ZFHX3: variants seen among roughly 807,000 people sequenced by gnomAD.
ZFHX3 encodes the protein zinc finger homeobox 3.
ZFHX3 carries 42 observed loss-of-function variants against 279.1 expected under a neutral mutation model. That is an observed-to-expected ratio of 0.15 (90% CI 0.12 to 0.19). The LOEUF (loss-of-function observed/expected upper bound fraction) is 0.19. Ranked by LOEUF, ZFHX3 falls within the 10% of genes least tolerant of loss-of-function variation. The pLI, the probability that ZFHX3 is intolerant of heterozygous loss-of-function variation, is 1.00. For synonymous variants in ZFHX3, 2,293 were observed against 1,957.8 expected (o/e 1.17, Z -4.52); for missense variants, 4,981 against 4,754.0 (o/e 1.05, Z -1.40).
Position 72,959,119 on chromosome 16 carries a change from T to C in ZFHX3, c.1027A>G (p.Lys343Glu), listed in dbSNP as rs772869157. The C allele has an allele frequency of 6.2e-7, 1 of 1,614,254 alleles. No individual in the cohort carries two copies. The highest frequency in any genetic ancestry group is 2.2e-5 in the East Asian group (1 of 44,884). Residue 343 changes from lysine (K) to glutamate (E), a missense_variant, in exon 2 of 10, where the codon AAA becomes GAA. By Grantham distance (56) the Lys-to-Glu change is moderately conservative (BLOSUM62 1). Transcript: ENST00000268489. ...KEPLVSFLEPKNKNFQHPLVS... is the reference protein window; with the variant it reads ...KEPLVSFLEPENKNFQHPLVS... Reference sequence around the variant, plus strand: ...AAAGGGTGTTGAAAGTTTTTGTTTTTTGGTTCCAGAAAACTTACAAGGGGT... The same window carrying C: ...AAAGGGTGTTGAAAGTTTTTGTTTTCTGGTTCCAGAAAACTTACAAGGGGT...
Position 73,215,507 on chromosome 16 carries a change from A to G in ZFHX3, c.-1104+41540T>C, listed in dbSNP as rs1290538656. On this transcript the variant is annotated intron_variant, in intron 5 of 17. Coordinates refer to the ZFHX3 transcript ENST00000641206. ...TCAACCAGCCATTTAATAATGTTCTATCTGGAGTTTTCTCCCTGTTCTAAA... is the reference window on the plus strand; with the variant it reads ...TCAACCAGCCATTTAATAATGTTCTGTCTGGAGTTTTCTCCCTGTTCTAAA... Among the ~76,000 whole-genome samples, 3 of 152,192 alleles carry G rather than the reference A, an allele frequency of 2.0e-5. No homozygotes were observed. The East Asian group carries it at 5.8e-4, about 29-fold the overall frequency.
chr16:73,507,398 A>G (rs900818055), intron 2 of ZFHX3, among the ~76,000 whole-genome samples: 2 of 151,378 alleles, frequency 1.3e-5, no homozygotes, highest in Non-Finnish European at 2.9e-5. Flanking sequence ...CATTTAAACC[A>G]GGTACTTTGT....
intron 2 of ZFHX3, among the ~76,000 whole-genome samples, chr16:73,572,106 A>C (rs940288003): frequency 6.6e-6 from 1 of 151,538 alleles, no homozygotes; most frequent in African/African-American, 2.4e-5. Context: ...TAATTCCCTA[A>C]TGCCACTTAA....
chr16:73,778,640 T>C (rs1266103346), intron 1 of ZFHX3, among the ~76,000 whole-genome samples: 1 of 152,300 alleles, frequency 6.6e-6, no homozygotes, highest in African/African-American at 2.4e-5. Context: ...ATGACAGTCA[T>C]TTCCCCTGCA....
At chr16:73,387,435 T>A (rs1221783110) in intron 3 of ZFHX3, among the ~76,000 whole-genome samples, 1 of 152,174 alleles carries the variant, frequency 6.6e-6, no homozygotes, top group Non-Finnish European at 1.5e-5. Context: ...TGTTGAAGAC[T>A]TCAGGATAAC....
At chr16:73,265,600 G>A (rs534557494) in intron 4 of ZFHX3, among the ~76,000 whole-genome samples, 1 of 152,262 alleles carries the variant, frequency 6.6e-6, no homozygotes, top group South Asian at 2.1e-4. Flanking sequence ...CGGGCATTTG[G>A]TACTTTTGAG....
chr16:73,889,607 TTAAG>T (rs1380520137), intron 1 of ZFHX3, among the ~76,000 whole-genome samples: 9 of 152,306 alleles, frequency 5.9e-5, no homozygotes, highest in African/African-American at 2.2e-4. Context: ...CCGCATTGTT[TTAAG>T]TATCATCCAA....
At chr16:72,844,046 TC>T (rs1273169418) in intron 4 of ZFHX3, among the ~76,000 whole-genome samples, 1 of 151,866 alleles carries the variant, frequency 6.6e-6, no homozygotes, top group East Asian at 1.9e-4. Context: ...CACATACTCC[TC>T]CCCTCCATGC....
intron 1 of ZFHX3, among the ~76,000 whole-genome samples, chr16:72,996,937 C>A (rs1963318022): frequency 6.6e-6 from 1 of 152,126 alleles, no homozygotes; most frequent in Admixed American, 6.6e-5. Flanking sequence ...ACCCTTGACC[C>A]CTAAACTGGT....
intron 1 of ZFHX3, among the ~76,000 whole-genome samples, chr16:73,821,458 C>T (rs1344934259): frequency 1.3e-5 from 2 of 152,240 alleles, no homozygotes; most frequent in Non-Finnish European, 2.9e-5. Flanking sequence ...TGCCTATGAC[C>T]TGTTGGGTGG....
At chr16:73,559,408 G>A (rs746283027) in intron 2 of ZFHX3, among the ~76,000 whole-genome samples, 9 of 152,112 alleles carry the variant, frequency 5.9e-5, no homozygotes, top group East Asian at 1.9e-4. Context: ...AAGACACTGC[G>A]TTTAGGTGAT....
chr16:73,868,139 G>A lies in ZFHX3; in HGVS notation c.-1608+23512C>T, dbSNP rs1268468537. On this transcript the variant is annotated intron_variant, in intron 1 of 17. Transcript: ENST00000641206. ...CGTTAAATAGCCCAGAGTTCATTTC[G>A]GCATGTGTAACAAAGAGCCATAACG... is the stretch of plus-strand genomic sequence containing the variant. Among the ~76,000 whole-genome samples, 8 of 152,196 alleles carry A rather than the reference G, an allele frequency of 5.3e-5. No individual in the cohort carries two copies. The South Asian group carries it at 1.0e-3, about 20-fold the overall frequency.
chr16:73,452,640 C>G (rs1274799383), intron 3 of ZFHX3, among the ~76,000 whole-genome samples: 1 of 152,176 alleles, frequency 6.6e-6, no homozygotes. Context: ...GAAAACCATT[C>G]CTACTCCCAA....
chr16:72,957,601 C>G lies in ZFHX3; in HGVS notation c.2545G>C (p.Gly849Arg). The change falls in exon 2 of 10, where the codon GGC (glycine) becomes CGC (arginine). Residue 849 changes from glycine (G) to arginine (R), a missense_variant. Physicochemically the swap from Gly to Arg is moderately radical, Grantham distance 125 (BLOSUM62 -2). Coordinates refer to ENST00000268489, the MANE Select transcript of ZFHX3 (RefSeq NM_006885.4). Reference protein sequence around the residue: ...MTQIQHNRHLGLGSLPSPAEA... With the variant: ...MTQIQHNRHLRLGSLPSPAEA... ...GCGGGTGAGGGCAGGCTGCCGAGGC[C>G]CAGGTGGCGGTTGTGTTGGATCTGG... The G allele has an allele frequency of 6.2e-7, 1 of 1,614,080 alleles. No individual in the cohort carries two copies. Among genetic ancestry groups the G allele is most frequent in the Non-Finnish European group, 8.5e-7 (1 of 1,180,024 alleles).
chr16:73,205,171 G>A (rs914104737), intron 5 of ZFHX3, among the ~76,000 whole-genome samples: 1 of 152,038 alleles, frequency 6.6e-6, no homozygotes, highest in African/African-American at 2.4e-5. Flanking sequence ...CCAAAATGTA[G>A]GTATCTAATG....
At chr16:73,709,499 G>C (rs1481739798) in intron 1 of ZFHX3, among the ~76,000 whole-genome samples, 1 of 152,084 alleles carries the variant, frequency 6.6e-6, no homozygotes, top group Non-Finnish European at 1.5e-5. Context: ...GAACCTGGAG[G>C]GTATTATGCT....
intron 1 of ZFHX3, among the ~76,000 whole-genome samples, chr16:73,841,894 T>C (rs1961317972): frequency 6.6e-6 from 1 of 152,060 alleles, no homozygotes; most frequent in Non-Finnish European, 1.5e-5. Context: ...CAACCCAACT[T>C]CATGACTTTT....
chr16:73,733,969 A>G (rs529220719), intron 1 of ZFHX3, among the ~76,000 whole-genome samples: 3 of 152,306 alleles, frequency 2.0e-5, no homozygotes, highest in Non-Finnish European at 4.4e-5. Context: ...GGTTTCATGG[A>G]AGACAATTTT....
chr16:73,787,858 A>T (rs1337348421), intron 1 of ZFHX3, among the ~76,000 whole-genome samples: 8 of 140,510 alleles, frequency 5.7e-5, no homozygotes, highest in Non-Finnish European at 9.4e-5. Flanking sequence ...TGTGTGAAAG[A>T]GAGAGAGAGA....
Sources: allele counts gnomAD v4.1 joint callset (sites outside exome capture counted in the v4.1 genomes callset), GRCh38; gene constraint gnomAD v4.1.1; transcripts MANE v1.5; gene names NCBI Gene and HGNC (gene_info 2026-07-23, HGNC 2026-07-21).